DTNBP1: variants seen among roughly 807,000 people sequenced by gnomAD.
DTNBP1 encodes the protein dysbindin.
In DTNBP1, 35 loss-of-function variants were observed where a neutral mutation model predicts 42.8. The observed-to-expected ratio is 0.82, with a 90% confidence interval of 0.63 to 1.09. The LOEUF is 1.09. Ranked by LOEUF, DTNBP1 falls within the 50% of genes least tolerant of loss-of-function variation. The pLI is 0.00. For missense variants in DTNBP1, 457 were observed against 424.2 expected (o/e 1.08, Z -0.68); for synonymous variants, 171 against 162.2 (o/e 1.05, Z -0.41).
intron 4 of DTNBP1, among the ~76,000 whole-genome samples, chr6:15,630,894 G>A (rs760059032): frequency 5.3e-5 from 8 of 152,156 alleles, no homozygotes; most frequent in Admixed American, 2.6e-4. Flanking sequence ...CTCCAGCCTG[G>A]AGACAGATCG....
intron 4 of DTNBP1, 92 bp from the exon 5 acceptor site, chr6:15,627,567 C>A: frequency 6.5e-7 from 1 of 1,546,408 alleles, no homozygotes; most frequent in Non-Finnish European, 8.8e-7. Context: ...TTATCTTTAA[C>A]AACCCCTCTA....
chr6:15,529,154 G>A (rs1772634449), intron 8 of DTNBP1, among the ~76,000 whole-genome samples: 1 of 152,126 alleles, frequency 6.6e-6, no homozygotes, highest in South Asian at 2.1e-4. Context: ...GCATGGTGGT[G>A]CACACCTGTC....
At chr6:15,633,330 T>G (rs1036458175) in intron 4 of DTNBP1, among the ~76,000 whole-genome samples, 2 of 152,212 alleles carry the variant, frequency 1.3e-5, no homozygotes, top group African/African-American at 2.4e-5. Context: ...CTGAGCAAAC[T>G]AAATTGAAAA....
At chr6:15,640,789 G>A (rs976618947) in intron 3 of DTNBP1, among the ~76,000 whole-genome samples, 3 of 152,158 alleles carry the variant, frequency 2.0e-5, no homozygotes, top group East Asian at 1.9e-4. Context: ...TTAAAGGCTT[G>A]CAGCTTCCAG....
At chr6:15,658,899 A>G (rs1166447351) in intron 1 of DTNBP1, among the ~76,000 whole-genome samples, 1 of 152,244 alleles carries the variant, frequency 6.6e-6, no homozygotes, top group East Asian at 1.9e-4. Flanking sequence ...AATCCTCTTC[A>G]GTCTGTGGCC....
intron 5 of DTNBP1, among the ~76,000 whole-genome samples, chr6:15,618,278 A>G (rs552682990): frequency 6.6e-6 from 1 of 152,318 alleles, no homozygotes; most frequent in Non-Finnish European, 1.5e-5. Flanking sequence ...CACTAATTAT[A>G]AAGGAAATAC....
intron 1 of DTNBP1, among the ~76,000 whole-genome samples, chr6:15,658,467 C>T (rs918099608): frequency 3.3e-5 from 5 of 152,048 alleles, no homozygotes; most frequent in African/African-American, 9.7e-5. Context: ...TGCAGGTGGG[C>T]GGCAGGGGCA....
intron 8 of DTNBP1, among the ~76,000 whole-genome samples, chr6:15,529,636 G>A (rs1227610810): frequency 6.6e-6 from 1 of 152,212 alleles, no homozygotes; most frequent in Admixed American, 6.5e-5. Flanking sequence ...CTGAACTACT[G>A]GTTCAGAAAC....
chr6:15,554,202 G>A (rs907340131), intron 7 of DTNBP1, among the ~76,000 whole-genome samples: 3 of 152,140 alleles, frequency 2.0e-5, no homozygotes, highest in Admixed American at 6.5e-5. Flanking sequence ...AGGCTCCCAT[G>A]TCACATAAAA....
intron 7 of DTNBP1, among the ~76,000 whole-genome samples, chr6:15,561,061 A>T (rs893319089): frequency 5.3e-5 from 8 of 152,174 alleles, no homozygotes; most frequent in Non-Finnish European, 1.2e-4. Flanking sequence ...TGTTTCAATA[A>T]CTATAGTACA....
chr6:15,548,784 C>A (rs1774039685), intron 7 of DTNBP1, among the ~76,000 whole-genome samples: 1 of 151,954 alleles, frequency 6.6e-6, no homozygotes, highest in South Asian at 2.1e-4. Flanking sequence ...CACATCTAAA[C>A]ATAAGGCAAT....
intron 7 of DTNBP1, chr6:15,586,165 AAAG>A: frequency 2.2e-6 from 1 of 457,384 alleles, no homozygotes; most frequent in Non-Finnish European, 2.9e-6. Flanking sequence ...TTGCTGTTTG[AAAG>A]TAGTAACATA....
intron 7 of DTNBP1, among the ~76,000 whole-genome samples, chr6:15,574,449 A>G (rs771838301): frequency 3.6e-4 from 55 of 152,366 alleles, no homozygotes; most frequent in Non-Finnish European, 5.9e-4. Context: ...AGGACGCACT[A>G]TCACACGAGG....
chr6:15,622,388 C>A (rs1331001900), intron 5 of DTNBP1, among the ~76,000 whole-genome samples: 1 of 152,098 alleles, frequency 6.6e-6, no homozygotes, highest in Non-Finnish European at 1.5e-5. Flanking sequence ...AAAGGTTCAT[C>A]CCCTTATATT....
intron 7 of DTNBP1, among the ~76,000 whole-genome samples, chr6:15,588,455 T>A (rs1776166154): frequency 6.6e-6 from 1 of 152,234 alleles, no homozygotes; most frequent in Admixed American, 6.5e-5. Flanking sequence ...GACATATGCA[T>A]GAATTCCTGC....
At chr6:15,654,491 C>T (rs1340491314) in intron 1 of DTNBP1, among the ~76,000 whole-genome samples, 2 of 152,096 alleles carry the variant, frequency 1.3e-5, no homozygotes, top group Non-Finnish European at 2.9e-5. Context: ...CTTTGGACTA[C>T]TCTAATTATA....
At chr6:15,649,908 T>C (rs1760888111) in intron 3 of DTNBP1, among the ~76,000 whole-genome samples, 1 of 152,182 alleles carries the variant, frequency 6.6e-6, no homozygotes, top group African/African-American at 2.4e-5. Context: ...CAACTAAGTT[T>C]CTAGAGAAAA....
intron 7 of DTNBP1, among the ~76,000 whole-genome samples, chr6:15,551,625 T>C (rs1456817329): frequency 6.6e-6 from 1 of 152,126 alleles, no homozygotes; most frequent in African/African-American, 2.4e-5. Context: ...AGGCTCTCTT[T>C]CCTCCACGCT....
At chr6:15,630,222 AT>A (rs1372642987) in intron 4 of DTNBP1, among the ~76,000 whole-genome samples, 1 of 152,216 alleles carries the variant, frequency 6.6e-6, no homozygotes, top group Non-Finnish European at 1.5e-5. Flanking sequence ...GGAACACTTC[AT>A]TTTATTTGAT....
Sources: allele counts gnomAD v4.1 joint callset (sites outside exome capture counted in the v4.1 genomes callset), GRCh38; gene constraint gnomAD v4.1.1; transcripts MANE v1.5; gene names NCBI Gene and HGNC (gene_info 2026-07-23, HGNC 2026-07-21).